The following RNF150 variants were observed in gnomAD, a reference collection of about 807,000 sequenced individuals.
RNF150 encodes the protein ring finger protein 150.
Under a neutral mutation model 39.3 loss-of-function variants are expected in RNF150, and 24 were observed. The observed-to-expected ratio is 0.61, with a 90% CI of 0.44 to 0.86. RNF150 has a LOEUF of 0.86. Ranked by LOEUF, RNF150 falls within the 40% of genes least tolerant of loss-of-function variation. The probability of loss-of-function intolerance (pLI) is 0.00; values close to 1 mark genes in which losing one functional copy is unlikely to be tolerated. For synonymous variants in RNF150, 255 were observed against 227.3 expected (o/e 1.12, Z -1.10); for missense variants, 502 against 587.8 (o/e 0.85, Z 1.51).
chr4:140,948,892 A>T (rs1334391578), intron 3 of RNF150, among the ~76,000 whole-genome samples: 1 of 152,212 alleles, frequency 6.6e-6, no homozygotes, highest in Non-Finnish European at 1.5e-5. Flanking sequence ...ATCAGGAACA[A>T]CCATTTTGAT....
chr4:141,196,453 G>A (rs559277186), intron 1 of RNF150, among the ~76,000 whole-genome samples: 2 of 152,250 alleles, frequency 1.3e-5, no homozygotes, highest in South Asian at 4.1e-4. Flanking sequence ...GCAGTAATTT[G>A]TTCCTGCCAC....
intron 1 of RNF150, among the ~76,000 whole-genome samples, chr4:141,008,700 A>C (rs1210876859): frequency 6.6e-6 from 1 of 152,186 alleles, no homozygotes; most frequent in African/African-American, 2.4e-5. Flanking sequence ...AGTTCAAATT[A>C]AGTGACCATG....
At chr4:140,873,636 A>G (rs1729039123) in intron 6 of RNF150, among the ~76,000 whole-genome samples, 1 of 152,086 alleles carries the variant, frequency 6.6e-6, no homozygotes, top group Admixed American at 6.6e-5. Context: ...TCTTATCACA[A>G]TGTTACAGAG....
chr4:141,202,806 T>C (rs999376426), intron 1 of RNF150, among the ~76,000 whole-genome samples: 4 of 151,686 alleles, frequency 2.6e-5, no homozygotes, highest in Non-Finnish European at 5.9e-5. Context: ...ATTTCAAAAG[T>C]CTTTAGGGGT....
chr4:140,952,030 A>G (rs1265667584), intron 2 of RNF150, among the ~76,000 whole-genome samples: 1 of 151,898 alleles, frequency 6.6e-6, no homozygotes, highest in Non-Finnish European at 1.5e-5. Flanking sequence ...TTCTTTTGAG[A>G]TGGAGTCTCG....
At chr4:141,153,819 CATGT>C (rs1458529088) in intron 1 of RNF150, among the ~76,000 whole-genome samples, 1 of 151,970 alleles carries the variant, frequency 6.6e-6, no homozygotes, top group African/African-American at 2.4e-5. Flanking sequence ...CATAGGTGTT[CATGT>C]ATGCCTACAG....
At chr4:140,923,706 G>T (rs901527773) in intron 5 of RNF150, among the ~76,000 whole-genome samples, 1 of 152,268 alleles carries the variant, frequency 6.6e-6, no homozygotes, top group South Asian at 2.1e-4. Context: ...CAATAGCAAA[G>T]ATTTGGAACC....
intron 1 of RNF150, among the ~76,000 whole-genome samples, chr4:141,020,055 AC>A (rs1735432463): frequency 6.7e-6 from 1 of 149,044 alleles, no homozygotes; most frequent in South Asian, 2.1e-4. Flanking sequence ...TCCACACAGC[AC>A]TCTCTTCTCA....
At chr4:141,148,588 G>A (rs1483758648) in intron 1 of RNF150, among the ~76,000 whole-genome samples, 1 of 152,034 alleles carries the variant, frequency 6.6e-6, no homozygotes, top group African/African-American at 2.4e-5. Flanking sequence ...CTACAGGCAT[G>A]CACTACCATA....
Position 141,133,104 on chromosome 4 carries a change from CG to C in RNF150, c.-297del. Reference sequence around the variant, plus strand: ...CTTGCGGAGGAGTCCTGCTGCCGAGCGTCCTGCTCCTTCGCCCGGCTTCGCC... The same window carrying C: ...CTTGCGGAGGAGTCCTGCTGCCGAGCTCCTGCTCCTTCGCCCGGCTTCGCC... On this transcript the variant is annotated 5_prime_UTR_variant, in exon 1 of 7. It introduces an in-frame stop codon into an upstream open reading frame of the 5' UTR. Coordinates refer to ENST00000515673, the MANE Select transcript of RNF150 (RefSeq NM_020724.2). 3 of 343,042 alleles carry C rather than the reference CG, an allele frequency of 8.7e-6. No homozygotes were observed. Among genetic ancestry groups the C allele is most frequent in the Non-Finnish European group, 1.6e-5 (3 of 186,776 alleles). The allele number at this position is 343,042 out of a possible 1,614,324, so 21.2% of individuals were successfully genotyped here. A position where few individuals can be genotyped will look rare whatever the true frequency, so the allele number is the denominator to read the frequency against.
intron 1 of RNF150, among the ~76,000 whole-genome samples, chr4:141,171,149 A>G (rs1183652293): frequency 6.6e-6 from 1 of 152,232 alleles, no homozygotes; most frequent in Non-Finnish European, 1.5e-5. Flanking sequence ...ATAGGGTTGT[A>G]AAGAATGACT....
chr4:140,980,306 G>T (rs1456810093), intron 1 of RNF150, among the ~76,000 whole-genome samples: 1 of 152,038 alleles, frequency 6.6e-6, no homozygotes, highest in Non-Finnish European at 1.5e-5. Context: ...GCCTCTCAAA[G>T]TGCTGGGATT....
chr4:140,871,109 C>G (rs779838299), intron 6 of RNF150, among the ~76,000 whole-genome samples: 3 of 151,764 alleles, frequency 2.0e-5, no homozygotes, highest in South Asian at 2.1e-4. Context: ...TTAGTAACTG[C>G]ATGTGTTATT....
At chr4:141,141,604 C>A (rs1435571647) in intron 1 of RNF150, among the ~76,000 whole-genome samples, 2 of 152,152 alleles carry the variant, frequency 1.3e-5, no homozygotes, top group African/African-American at 2.4e-5. Flanking sequence ...ATTTCAAGAC[C>A]AGCCTGCCAA....
chr4:141,085,706 G>A (rs1720396062), intron 1 of RNF150, among the ~76,000 whole-genome samples: 2 of 152,186 alleles, frequency 1.3e-5, no homozygotes, highest in African/African-American at 4.8e-5. Flanking sequence ...TTCTGGGGCA[G>A]TTGTTTATAC....
At chr4:140,989,505 T>C (rs1369554536) in intron 1 of RNF150, among the ~76,000 whole-genome samples, 1 of 151,470 alleles carries the variant, frequency 6.6e-6, no homozygotes, top group African/African-American at 2.4e-5. Context: ...AAAAAGAGAG[T>C]GGGTGGCAGC....
rs182516484 is a variant in RNF150 at position 141,142,783 on chromosome 4, A to T, written c.-6+70011T>A. On this transcript the variant is annotated intron_variant, in intron 1 of 7. Coordinates refer to the RNF150 transcript ENST00000420921. ...CCTAGGAAAATGTTGGGGTTCCTTC[A>T]GGCTCTGACCTAAGGATTGCTGTGG... is the stretch of plus-strand genomic sequence containing the variant. Among the ~76,000 whole-genome samples, 3 of 152,152 alleles carry T rather than the reference A, an allele frequency of 2.0e-5. No homozygotes were observed. In the East Asian group the frequency reaches 5.8e-4, roughly 29 times the overall value.
chr4:140,872,901 A>G (rs528994337), intron 6 of RNF150, among the ~76,000 whole-genome samples: 10 of 152,336 alleles, frequency 6.6e-5, no homozygotes, highest in Middle Eastern at 3.4e-3. Context: ...CTCTCAATAC[A>G]TTTGGAAGTC....
chr4:141,120,768 CG>C (rs1726582016), intron 1 of RNF150, among the ~76,000 whole-genome samples: 1 of 152,092 alleles, frequency 6.6e-6, no homozygotes, highest in African/African-American at 2.4e-5. Context: ...GGCCAAACCA[CG>C]GAAGAGGGCC....
Sources: allele counts gnomAD v4.1 joint callset (sites outside exome capture counted in the v4.1 genomes callset), GRCh38; gene constraint gnomAD v4.1.1; transcripts MANE v1.5; gene names NCBI Gene and HGNC (gene_info 2026-07-23, HGNC 2026-07-21).